OTULINL: variants seen among roughly 807,000 people sequenced by gnomAD.
OTULINL encodes inactive ubiquitin thioesterase OTULINL.
OTULINL carries 42 observed loss-of-function variants against 43.9 expected under a neutral mutation model. The observed-to-expected ratio is 0.96, with a 90% CI of 0.75 to 1.24. The LOEUF (loss-of-function observed/expected upper bound fraction) is 1.24, where lower values mean the gene tolerates loss of function less well. OTULINL is among the 50% of genes most tolerant of loss of function. The pLI, the probability that OTULINL is intolerant of heterozygous loss-of-function variation, is 0.00. For synonymous variants in OTULINL, 172 were observed against 153.6 expected (o/e 1.12, Z -0.88); for missense variants, 411 against 426.4 (o/e 0.96, Z 0.32).
At chr5:14,587,768 T>C (rs989770201) in intron 1 of OTULINL, among the ~76,000 whole-genome samples, 11 of 152,370 alleles carry the variant, frequency 7.2e-5, no homozygotes, top group Middle Eastern at 3.4e-3. Context: ...ACTGTCATGA[T>C]AGAGGACTTG....
In OTULINL at chr5:14,615,221, G is replaced by C. The variant is rs1409092045; in HGVS notation, c.*4907G>C. ...TTATCATTTGTCAGCAAACTTACTGGGCCAAACACAAATGGCTGAGACACT... is the reference window on the plus strand; with the variant it reads ...TTATCATTTGTCAGCAAACTTACTGCGCCAAACACAAATGGCTGAGACACT... On this transcript the variant is annotated 3_prime_UTR_variant, in exon 8 of 8. Transcript: ENST00000274217. Among the ~76,000 whole-genome samples, 1 of 152,156 alleles carries C rather than the reference G, an allele frequency of 6.6e-6. No homozygotes were observed. The highest frequency in any genetic ancestry group is 1.5e-5 in the Non-Finnish European group (1 of 68,030).
chr5:14,615,991 C>T lies in OTULINL; in HGVS notation c.*5677C>T, dbSNP rs1414995168. Among the ~76,000 whole-genome samples the T allele has an allele frequency of 1.3e-5, 2 of 152,296 alleles. No homozygotes were observed. Among genetic ancestry groups the T allele is most frequent in the Middle Eastern group, 3.4e-3 (1 of 294 alleles). Reference sequence around the variant, plus strand: ...TTTGAAACATCATTGTAAAACAGTGCTTTTTAAACTATCCATGGTAAAGGA... The same window carrying T: ...TTTGAAACATCATTGTAAAACAGTGTTTTTTAAACTATCCATGGTAAAGGA... On this transcript the variant is annotated 3_prime_UTR_variant, in exon 8 of 8. Transcript: ENST00000274217.
intron 1 of OTULINL, among the ~76,000 whole-genome samples, chr5:14,590,166 G>T (rs908017073): frequency 2.0e-5 from 3 of 152,148 alleles, no homozygotes; most frequent in African/African-American, 7.2e-5. Context: ...GGTAACTTTG[G>T]AAATTGATTG....
rs1759005088 is a variant in OTULINL, at chr5:14,581,902, C to T, written c.8C>T (p.Ala3Val). The part of the protein sequence containing the change: MA[A>V]TRSPTRARER... ...GTCCGCAGCGCGGCCGGCATGGCGG[C>T]GACAAGGAGCCCCACGCGGGCAAGG... The change falls in exon 1 of 8, where the codon GCG (alanine) becomes GTG (valine). Residue 3 changes from alanine (A) to valine (V), a missense_variant. Ala to Val is a moderately conservative substitution (Grantham distance 64, BLOSUM62 0). Coordinates refer to ENST00000274217, the MANE Select transcript of OTULINL (RefSeq NM_019018.3). 1 of 1,412,976 alleles carries T rather than the reference C, an allele frequency of 7.1e-7. No individual in the cohort carries two copies. The highest frequency in any genetic ancestry group is 9.2e-7 in the Non-Finnish European group (1 of 1,083,058). 87.5% of individuals were successfully genotyped at this position (1,412,976 alleles called of 1,614,324 possible).
chr5:14,585,279 A>G (rs1038940318), intron 1 of OTULINL, among the ~76,000 whole-genome samples: 3 of 152,110 alleles, frequency 2.0e-5, no homozygotes, highest in African/African-American at 4.8e-5. Context: ...TGTGGGGGAA[A>G]AAAAGCATTG....
At chr5:14,591,872 G>T (rs1759209704) in intron 1 of OTULINL, among the ~76,000 whole-genome samples, 1 of 152,158 alleles carries the variant, frequency 6.6e-6, no homozygotes, top group Non-Finnish European at 1.5e-5. Flanking sequence ...TGACCTCAGA[G>T]TGGTTTTTCC....
chr5:14,614,491 C>T lies in OTULINL; in HGVS notation c.*4177C>T. On this transcript the variant is annotated 3_prime_UTR_variant, in exon 8 of 8. Transcript: ENST00000274217. ...ATTTGTTCAGAATAGTGGATCTTTG[C>T]TTAATTCACTTCTGTTTTAATCCCA... 1.5e-5 allele frequency: 6 copies of T among 397,730 alleles called. No homozygotes were observed. In the Middle Eastern group the frequency reaches 3.1e-3, roughly 209 times the overall value. 24.6% of individuals were successfully genotyped at this position (397,730 alleles called of 1,614,324 possible).
At chr5:14,598,807 T>C (rs186699480) in intron 1 of OTULINL, among the ~76,000 whole-genome samples, 1 of 152,358 alleles carries the variant, frequency 6.6e-6, no homozygotes, top group East Asian at 1.9e-4. Context: ...TGTGCTGATA[T>C]GAAAAGATGT....
chr5:14,608,791 G>T lies in OTULINL; in HGVS notation c.671G>T (p.Ser224Ile). 6.2e-7 allele frequency: 1 copy of T among 1,612,740 alleles called. No homozygotes were observed. The highest frequency in any genetic ancestry group is 8.5e-7 in the Non-Finnish European group (1 of 1,178,868). ...ATTAGAGATTATCACAAGAGAGGAA[G>T]TATGTGCAACACCCTTTTTTCAGAT... ...NGIRDYHKRG[S>I]MCNTLFSDAI... Residue 224 changes from serine to isoleucine, a missense_variant, in exon 7 of 8, where the codon AGT (serine) becomes ATT (isoleucine). Physicochemically the swap from Ser to Ile is moderately radical, Grantham distance 142 (BLOSUM62 -2). Transcript: ENST00000274217.
chr5:14,588,859 T>C (rs1221965765), intron 1 of OTULINL, among the ~76,000 whole-genome samples: 1 of 152,226 alleles, frequency 6.6e-6, no homozygotes, highest in East Asian at 1.9e-4. Flanking sequence ...ATTCAACAAC[T>C]TCTTGGCCAG....
chr5:14,596,396 T>C (rs891009625), intron 1 of OTULINL, among the ~76,000 whole-genome samples: 6 of 152,156 alleles, frequency 3.9e-5, no homozygotes, highest in African/African-American at 1.4e-4. Flanking sequence ...CACAATTTTA[T>C]CTCAGTTGTA....
intron 1 of OTULINL, among the ~76,000 whole-genome samples, chr5:14,587,153 A>G (rs539355226): frequency 6.6e-6 from 1 of 152,292 alleles, no homozygotes; most frequent in South Asian, 2.1e-4. Context: ...CTTGCCTGGT[A>G]ATGAGAGAAT....
Position 14,616,066 on chromosome 5 carries a change from G to A in OTULINL, c.*5752G>A, listed in dbSNP as rs943956459. Among the ~76,000 whole-genome samples, 13 of 152,108 alleles carry A rather than the reference G, an allele frequency of 8.5e-5. No individual in the cohort carries two copies. The highest frequency in any genetic ancestry group is 5.9e-5 in the Non-Finnish European group (4 of 68,014). ...TGCAGGTTGGTAGTTTTATAAATACGATAAAAATATAGCACCAAGATTAGA... is the reference window on the plus strand; with the variant it reads ...TGCAGGTTGGTAGTTTTATAAATACAATAAAAATATAGCACCAAGATTAGA... On this transcript the variant is annotated 3_prime_UTR_variant, in exon 8 of 8. Coordinates refer to ENST00000274217, the MANE Select transcript of OTULINL (RefSeq NM_019018.3).
intron 7 of OTULINL, among the ~76,000 whole-genome samples, chr5:14,609,706 C>CT (rs1454278568): frequency 1.3e-5 from 2 of 151,452 alleles, no homozygotes; most frequent in Non-Finnish European, 2.9e-5. Context: ...TCTCCGCTCA[C>CT]TGCAAGCTCC....
intron 5 of OTULINL, among the ~76,000 whole-genome samples, chr5:14,605,046 C>T (rs901852342): frequency 3.9e-5 from 6 of 152,218 alleles, no homozygotes; most frequent in Non-Finnish European, 7.3e-5. Flanking sequence ...CCCACATTTC[C>T]CTTTCACGCT....
At chr5:14,583,189 T>G (rs1036655558) in intron 1 of OTULINL, among the ~76,000 whole-genome samples, 2 of 152,216 alleles carry the variant, frequency 1.3e-5, no homozygotes, top group Admixed American at 6.5e-5. Context: ...AACAGCACCT[T>G]TCTGGGAGTC....
rs768938510 is a variant in OTULINL, at chr5:14,614,789, T to C, written c.*4475T>C. 4.5e-5 allele frequency: 18 copies of C among 398,482 alleles called. No homozygotes were observed. Among genetic ancestry groups the C allele is most frequent in the Non-Finnish European group, 7.1e-5 (16 of 226,082 alleles). The allele number at this position is 398,482 out of a possible 1,614,324, so 24.7% of individuals were successfully genotyped here. A position where few individuals can be genotyped will look rare whatever the true frequency, so the allele number is the denominator to read the frequency against. ...GTGTGAGCAGACTGCTATAGAATGC[T>C]AAAGTTATAATCCTAGCTGGTGTCT... On this transcript the variant is annotated 3_prime_UTR_variant, in exon 8 of 8. Transcript: ENST00000274217.
intron 1 of OTULINL, among the ~76,000 whole-genome samples, chr5:14,598,540 G>C (rs1166088517): frequency 1.3e-5 from 2 of 152,144 alleles, no homozygotes; most frequent in African/African-American, 4.8e-5. Flanking sequence ...AAGCATATTT[G>C]CCACAGCATT....
At position 14,608,804 on chromosome 5, in the gene OTULINL, C is replaced by T. The variant is rs777763123; in HGVS notation, c.684C>T (p.Thr228=). ...ACAAGAGAGGAAGTATGTGCAACAC[C>T]CTTTTTTCAGATGCCATTCTGGAAT... ...DYHKRGSMCN[T]LFSDAILEYK... is the part of the protein sequence containing the mutation. The change falls in exon 7 of 8, where the codon ACC becomes ACT. Residue 228 remains threonine (T), a synonymous_variant. Transcript: ENST00000274217. 1.9e-6 allele frequency: 3 copies of T among 1,613,488 alleles called. No individual in the cohort carries two copies. The highest frequency in any genetic ancestry group is 4.5e-5 in the East Asian group (2 of 44,842).
Sources: allele counts gnomAD v4.1 joint callset (sites outside exome capture counted in the v4.1 genomes callset), GRCh38; gene constraint gnomAD v4.1.1; transcripts MANE v1.5; gene names NCBI Gene and HGNC (gene_info 2026-07-23, HGNC 2026-07-21).